KCNIP4: variants seen among roughly 807,000 people sequenced by gnomAD.
KCNIP4 encodes the protein potassium voltage-gated channel interacting protein 4.
In KCNIP4, 12 loss-of-function variants were observed where a neutral mutation model predicts 34.0. The observed-to-expected ratio is 0.35, with a 90% CI of 0.23 to 0.57. The LOEUF is 0.57. Ranked by LOEUF, KCNIP4 falls within the 20% of genes least tolerant of loss-of-function variation. The pLI, the probability that KCNIP4 is intolerant of heterozygous loss-of-function variation, is 0.83. For synonymous variants in KCNIP4, 124 were observed against 102.2 expected, an observed-to-expected ratio of 1.21 and a Z score of -1.29; for missense variants, 238 against 311.7, an observed-to-expected ratio of 0.76 and a Z score of 1.78.
intron 1 of KCNIP4, among the ~76,000 whole-genome samples, chr4:21,026,693 C>T (rs990915458): frequency 9.2e-5 from 14 of 152,024 alleles, no homozygotes; most frequent in African/African-American, 3.4e-4. Context: ...AAAAAAGGAT[C>T]CATGGTAACA....
intron 1 of KCNIP4, among the ~76,000 whole-genome samples, chr4:21,866,762 A>ATTTTTTTTTTTTTT (rs770568451): frequency 2.4e-5 from 2 of 82,698 alleles, no homozygotes; most frequent in Non-Finnish European, 4.2e-5. Context: ...TTCAGCCTGG[A>ATTTTTTTTTTTTTT]TTTTTTTTTT....
chr4:21,090,422 AAAG>A (rs1470425242), intron 1 of KCNIP4, among the ~76,000 whole-genome samples: 8 of 152,180 alleles, frequency 5.3e-5, no homozygotes, highest in African/African-American at 1.9e-4. Context: ...CTGCAGCTAA[AAAG>A]AAGCAGCATA....
At chr4:20,949,249 G>A (rs1732518957) in intron 1 of KCNIP4, among the ~76,000 whole-genome samples, 1 of 152,192 alleles carries the variant, frequency 6.6e-6, no homozygotes, top group South Asian at 2.1e-4. Context: ...GTAGCATCTT[G>A]AAACTCTTGA....
chr4:21,785,942 A>G (rs1245062738), intron 1 of KCNIP4, among the ~76,000 whole-genome samples: 1 of 152,032 alleles, frequency 6.6e-6, no homozygotes, highest in Non-Finnish European at 1.5e-5. Flanking sequence ...GTGGGCATAT[A>G]TTTTCACCTC....
chr4:21,228,598 G>T (rs999127553), intron 1 of KCNIP4, among the ~76,000 whole-genome samples: 5 of 152,120 alleles, frequency 3.3e-5, no homozygotes, highest in African/African-American at 1.2e-4. Flanking sequence ...CCCCTCTGGG[G>T]TATGAGCTCT....
At position 21,510,987 on chromosome 4, in the gene KCNIP4, C is replaced by G. The variant is rs193109142; in HGVS notation, c.61+437584G>C. Among the ~76,000 whole-genome samples the G allele has an allele frequency of 4.5e-3, 689 of 152,058 alleles. 6 individuals are homozygous for G. Among genetic ancestry groups the G allele is most frequent in the African/African-American group, 0.016 (646 of 41,474 alleles). On this transcript the variant is annotated intron_variant, in intron 1 of 8. Coordinates refer to ENST00000382152, the MANE Select transcript of KCNIP4 (RefSeq NM_025221.6). Reference sequence around the variant, plus strand: ...TGAACTCGGGAGGCAGAGGTTGTAGCGAGCTGAGATTGTTCCACTGCACTC... The same window carrying G: ...TGAACTCGGGAGGCAGAGGTTGTAGGGAGCTGAGATTGTTCCACTGCACTC...
chr4:21,191,251 T>C (rs1156235836), intron 1 of KCNIP4, among the ~76,000 whole-genome samples: 1 of 152,184 alleles, frequency 6.6e-6, no homozygotes, highest in Non-Finnish European at 1.5e-5. Context: ...GTGTATTTGA[T>C]AGCAAAGGGA....
chr4:21,330,590 TAATA>T (rs1483385749), intron 1 of KCNIP4, among the ~76,000 whole-genome samples: 1 of 152,102 alleles, frequency 6.6e-6, no homozygotes, highest in African/African-American at 2.4e-5. Context: ...AATGAGAAAA[TAATA>T]AATAATTTTG....
intron 1 of KCNIP4, among the ~76,000 whole-genome samples, chr4:21,156,687 T>C (rs954619244): frequency 2.0e-5 from 3 of 152,160 alleles, no homozygotes; most frequent in Non-Finnish European, 2.9e-5. Flanking sequence ...GATTAGCATT[T>C]GAAATATTCA....
chr4:21,465,889 T>A (rs1729885168), intron 1 of KCNIP4, among the ~76,000 whole-genome samples: 2 of 152,204 alleles, frequency 1.3e-5, no homozygotes, highest in African/African-American at 4.8e-5. Flanking sequence ...AGTGACCTGG[T>A]CCTTCATGTG....
chr4:21,404,415 G>T (rs570057692), intron 1 of KCNIP4, among the ~76,000 whole-genome samples: 2 of 152,036 alleles, frequency 1.3e-5, no homozygotes, highest in Admixed American at 6.6e-5. Context: ...ATGGTTGAAT[G>T]CATCTCCATC....
chr4:20,945,691 A>G (rs1205287352), intron 1 of KCNIP4, among the ~76,000 whole-genome samples: 2 of 151,996 alleles, frequency 1.3e-5, no homozygotes, highest in African/African-American at 4.8e-5. Flanking sequence ...CTGCTTGCCA[A>G]AAAAAAAGAA....
chr4:21,490,183 T>C (rs548625271), intron 1 of KCNIP4, among the ~76,000 whole-genome samples: 8 of 152,150 alleles, frequency 5.3e-5, no homozygotes, highest in Non-Finnish European at 1.2e-4. Flanking sequence ...TTTCATAAAC[T>C]TATAGGTTGG....
intron 3 of KCNIP4, among the ~76,000 whole-genome samples, chr4:20,825,227 T>G (rs937237706): frequency 8.6e-5 from 2 of 23,204 alleles, no homozygotes; most frequent in Non-Finnish European, 1.4e-4. Context: ...AATTTTACGT[T>G]TTTTTTTTTT....
chr4:20,953,604 C>A (rs1350218005), intron 1 of KCNIP4, among the ~76,000 whole-genome samples: 1 of 152,080 alleles, frequency 6.6e-6, no homozygotes, highest in African/African-American at 2.4e-5. Context: ...ATTGGTTGAG[C>A]CCGGGAGGCA....
chr4:21,288,693 G>A lies in KCNIP4; in HGVS notation c.62-405984C>T, dbSNP rs140127309. 4.6e-5 allele frequency among the ~76,000 whole-genome samples: 7 copies of A among 152,278 alleles called. No individual in the cohort carries two copies. In the East Asian group the frequency reaches 1.4e-3, roughly 29 times the overall value. On this transcript the variant is annotated intron_variant, in intron 1 of 8. Coordinates refer to ENST00000382152, the MANE Select transcript of KCNIP4 (RefSeq NM_025221.6). ...CTTGGGCCTGGGTTCAAATTCAGAT[G>A]ATTGCGTCAGAATCAACACTCTGGA...
At chr4:20,916,034 C>T (rs1007752557) in intron 1 of KCNIP4, among the ~76,000 whole-genome samples, 2 of 151,990 alleles carry the variant, frequency 1.3e-5, no homozygotes, top group African/African-American at 2.4e-5. Context: ...TTATGATGCC[C>T]CAAAATGCAT....
At chr4:21,243,515 T>C (rs1233123049) in intron 1 of KCNIP4, among the ~76,000 whole-genome samples, 1 of 152,232 alleles carries the variant, frequency 6.6e-6, no homozygotes, top group Non-Finnish European at 1.5e-5. Context: ...CAGAATGGTT[T>C]AGAACCTGGG....
rs531315600 is a variant in KCNIP4, at chr4:21,029,109, T to C, written c.62-146400A>G. 2.0e-5 allele frequency among the ~76,000 whole-genome samples: 3 copies of C among 152,316 alleles called. No homozygotes were observed. The South Asian group carries it at 6.2e-4, about 32-fold the overall frequency. On this transcript the variant is annotated intron_variant, in intron 1 of 8. Coordinates refer to ENST00000382152, the MANE Select transcript of KCNIP4 (RefSeq NM_025221.6). The stretch of plus-strand genomic sequence containing the variant: ...AGAATAGATTTGACTTAATTATCTA[T>C]ACGTTTAAAATGTAAATGCAGCCTT...
Sources: gnomAD v4.1 joint callset for allele counts (sites outside exome capture counted in the v4.1 genomes callset) on GRCh38, gnomAD v4.1.1 for gene constraint, MANE v1.5 for transcripts, NCBI Gene and HGNC (gene_info 2026-07-23, HGNC 2026-07-21) for gene names.